The following PDE4D variants were observed in gnomAD, a reference collection of about 807,000 sequenced individuals.
The protein encoded by PDE4D is 3',5'-cyclic-AMP phosphodiesterase 4D.
A neutral mutation model predicts 87.4 loss-of-function variants in PDE4D; 24 were observed. The observed-to-expected ratio is 0.27, with a 90% CI of 0.20 to 0.39. The LOEUF is 0.39. PDE4D is among the 10% of genes least tolerant of loss of function. PDE4D has a pLI of 1.00. For synonymous variants in PDE4D, 384 were observed against 383.2 expected (o/e 1.00, Z -0.02); for missense variants, 714 against 1,041.0 (o/e 0.69, Z 4.32).
intron 1 of PDE4D, among the ~76,000 whole-genome samples, chr5:60,228,913 C>T (rs1221034447): frequency 1.3e-5 from 2 of 151,884 alleles, no homozygotes; most frequent in African/African-American, 4.8e-5. Context: ...CAGCTGGGCC[C>T]ATGTCAGATT....
At chr5:59,309,311 GA>G (rs1772085651) in intron 1 of PDE4D, among the ~76,000 whole-genome samples, 1 of 152,196 alleles carries the variant, frequency 6.6e-6, no homozygotes, top group East Asian at 1.9e-4. Flanking sequence ...TTCAGCTAGA[GA>G]TTTTCTTCTC....
chr5:59,807,827 T>C (rs1264338170), intron 1 of PDE4D, among the ~76,000 whole-genome samples: 1 of 152,110 alleles, frequency 6.6e-6, no homozygotes, highest in African/African-American at 2.4e-5. Flanking sequence ...TTTAGACAAG[T>C]GGTATGCAGG....
intron 1 of PDE4D, among the ~76,000 whole-genome samples, chr5:59,753,890 A>T (rs1760839111): frequency 6.6e-6 from 1 of 152,230 alleles, no homozygotes; most frequent in African/African-American, 2.4e-5. Context: ...AAAACTCTCA[A>T]GATGAATGTA....
intron 1 of PDE4D, among the ~76,000 whole-genome samples, chr5:60,195,308 G>A (rs752033491): frequency 6.6e-6 from 1 of 151,514 alleles, no homozygotes; most frequent in African/African-American, 2.4e-5. Flanking sequence ...TTAATTGTAC[G>A]TCACTGCCAA....
At chr5:59,894,844 T>A (rs1182150495), upstream of PDE4D, among the ~76,000 whole-genome samples, 1 of 152,228 alleles carries the variant, frequency 6.6e-6, no homozygotes, top group African/African-American at 2.4e-5. Context: ...CAGTGTCAAA[T>A]GTTTTTTAAA....
intron 1 of PDE4D, among the ~76,000 whole-genome samples, chr5:59,267,933 G>A (rs927912599): frequency 6.6e-6 from 1 of 152,018 alleles, no homozygotes. Flanking sequence ...TGAGATGGGG[G>A]GCAAATGTCC....
chr5:59,696,616 T>C (rs1480362173), intron 1 of PDE4D, among the ~76,000 whole-genome samples: 2 of 152,174 alleles, frequency 1.3e-5, no homozygotes, highest in African/African-American at 2.4e-5. Flanking sequence ...ATCTGAGTTA[T>C]ACTTTAACAC....
chr5:59,143,599 T>G (rs1385615947), intron 5 of PDE4D, among the ~76,000 whole-genome samples: 2 of 152,162 alleles, frequency 1.3e-5, no homozygotes, highest in African/African-American at 4.8e-5. Context: ...GCATGGGACA[T>G]AGTAAGTACT....
Position 59,183,737 on chromosome 5 carries a change from C to T in PDE4D, c.758+1452G>A, listed in dbSNP as rs566153309. Among the ~76,000 whole-genome samples, 84 of 152,282 alleles carry T rather than the reference C, an allele frequency of 5.5e-4. 1 individual carries two copies. Among genetic ancestry groups the T allele is most frequent in the African/African-American group, 1.7e-3 (71 of 41,568 alleles). On this transcript the variant is annotated intron_variant, in intron 4 of 14. Transcript: ENST00000340635. ...TTGCACGGCCACGTTACATAGAAAA[C>T]GTGATTGGTAATGAACAGGTACCTC... is the stretch of plus-strand genomic sequence containing the variant.
chr5:59,540,957 A>G (rs1816233039), intron 1 of PDE4D, among the ~76,000 whole-genome samples: 1 of 152,116 alleles, frequency 6.6e-6, no homozygotes, highest in African/African-American at 2.4e-5. Context: ...TTATTTCAAT[A>G]TTCATTTTAG....
chr5:60,489,728 C>T (rs1749421604), upstream of PDE4D: 1 of 152,156 alleles, frequency 6.6e-6, no homozygotes, highest in Non-Finnish European at 1.5e-5. Flanking sequence ...AGAATTGTTA[C>T]CCCCTTTACT....
At chr5:59,156,331 A>ATATATATATATGTGTGTG (rs1384479557) in intron 5 of PDE4D, among the ~76,000 whole-genome samples, 74 of 122,752 alleles carry the variant, frequency 6.0e-4, no homozygotes, top group African/African-American at 2.2e-3. Flanking sequence ...ATATATATAT[A>ATATATATATATGTGTGTG]TGTGTGTGTG....
intron 5 of PDE4D, among the ~76,000 whole-genome samples, chr5:59,066,309 A>T (rs1297612676): frequency 6.6e-6 from 1 of 152,150 alleles, no homozygotes; most frequent in African/African-American, 2.4e-5. Context: ...GGCTTCCTAC[A>T]GTGGGCAATT....
chr5:59,276,120 A>AG (rs1208130132), intron 1 of PDE4D: 1 of 886,840 alleles, frequency 1.1e-6, no homozygotes, highest in African/African-American at 2.7e-5. Context: ...GCAGTGAGAA[A>AG]GGAAAAAAAA....
chr5:59,693,151 G>A (rs906318541), intron 1 of PDE4D, among the ~76,000 whole-genome samples: 3 of 151,836 alleles, frequency 2.0e-5, no homozygotes, highest in African/African-American at 7.2e-5. Context: ...ATGTTTTCAA[G>A]TTTTGAATAA....
chr5:59,191,215 C>T (rs146140625), intron 3 of PDE4D, among the ~76,000 whole-genome samples: 5,173 of 151,996 alleles, frequency 0.034, 112 homozygotes, highest in Non-Finnish European at 0.053. Context: ...ATTATAGGTA[C>T]ACTACAGAAA....
chr5:60,051,066 T>G (rs1770087069), intron 2 of PDE4D, among the ~76,000 whole-genome samples: 1 of 152,140 alleles, frequency 6.6e-6, no homozygotes, highest in South Asian at 2.1e-4. Context: ...ACAAAGAGAC[T>G]TTTAGACTCC....
chr5:60,090,475 A>G (rs879789956), intron 2 of PDE4D, among the ~76,000 whole-genome samples: 1 of 152,190 alleles, frequency 6.6e-6, no homozygotes, highest in South Asian at 2.1e-4. Flanking sequence ...ATAAAATTTG[A>G]CATTCCTTCA....
chr5:59,551,731 A>G (rs1248857704), intron 1 of PDE4D, among the ~76,000 whole-genome samples: 1 of 152,174 alleles, frequency 6.6e-6, no homozygotes, highest in African/African-American at 2.4e-5. Context: ...TTTTTGAAAT[A>G]CTTTATTAAA....
Sources: allele counts gnomAD v4.1 joint callset (sites outside exome capture counted in the v4.1 genomes callset), GRCh38; gene constraint gnomAD v4.1.1; transcripts MANE v1.5; gene names NCBI Gene and HGNC (gene_info 2026-07-23, HGNC 2026-07-21).